Variants in CLXN observed in about 807,000 individuals in gnomAD.
The protein encoded by CLXN is calaxin, also known as EF-hand calcium binding domain 1.
At chr8:48,716,023 G>A in the CLXN span, 2 of 152,494 alleles carry the variant, frequency 1.3e-5, no homozygotes, top group Non-Finnish European at 2.9e-5. Flanking sequence ...GTGGAGCAGG[G>A]GGCAGGCCTG....
the CLXN span, chr8:48,729,180 A>G: frequency 2.6e-6 from 4 of 1,519,436 alleles, no homozygotes; most frequent in South Asian, 1.2e-5. Flanking sequence ...GGCAACACGT[A>G]AAATGATTAC....
chr8:48,721,221 A>G, the CLXN span, among the ~76,000 whole-genome samples: 1 of 152,312 alleles, frequency 6.6e-6, no homozygotes, highest in African/African-American at 2.4e-5. Context: ...AGCAGCAAAA[A>G]AATAAAAAAT....
chr8:48,724,856 C>T, the CLXN span: 2 of 1,449,506 alleles, frequency 1.4e-6, no homozygotes, highest in East Asian at 2.3e-5. Flanking sequence ...TAGAACACCA[C>T]AAAATATTCT....
chr8:48,725,725 A>T, the CLXN span, among the ~76,000 whole-genome samples: 1 of 152,030 alleles, frequency 6.6e-6, no homozygotes, highest in East Asian at 1.9e-4. Context: ...AATCACTTGA[A>T]CCTGGGAGGC....
At chr8:48,714,384 T>C in the CLXN span, among the ~76,000 whole-genome samples, 1 of 152,208 alleles carries the variant, frequency 6.6e-6, no homozygotes, top group Non-Finnish European at 1.5e-5. Context: ...GCAGAGGAGA[T>C]GTGTTCTAGA....
the CLXN span, among the ~76,000 whole-genome samples, chr8:48,726,112 C>T: frequency 9.0e-6 from 1 of 111,600 alleles, no homozygotes; most frequent in African/African-American, 3.2e-5. Flanking sequence ...TACCCACCCA[C>T]TCCATCCATC....
the CLXN span, among the ~76,000 whole-genome samples, chr8:48,721,925 C>T: frequency 6.6e-6 from 1 of 151,862 alleles, no homozygotes; most frequent in African/African-American, 2.4e-5. Context: ...ACACAGGCAG[C>T]AAAAATAAGT....
At chr8:48,731,451 T>A in the CLXN span, 1 of 1,613,410 alleles carries the variant, frequency 6.2e-7, no homozygotes. Context: ...TCTCTACTCC[T>A]CCCACCAAGT....
the CLXN span, chr8:48,730,650 G>A: frequency 6.4e-7 from 1 of 1,573,772 alleles, no homozygotes; most frequent in Non-Finnish European, 8.7e-7. Flanking sequence ...GAATACTAAA[G>A]GGAGAGAGGT....
the CLXN span, among the ~76,000 whole-genome samples, chr8:48,720,235 G>A: frequency 6.6e-6 from 1 of 152,166 alleles, no homozygotes; most frequent in African/African-American, 2.4e-5. Flanking sequence ...GCGATTTTTA[G>A]GGAACAAGGG....
the CLXN span, chr8:48,724,593 A>G: frequency 3.2e-5 from 18 of 571,316 alleles, 1 homozygote; most frequent in African/African-American, 2.9e-4. Flanking sequence ...TGCATCTTAC[A>G]CTGATGTTAA....
chr8:48,730,409 A>G, the CLXN span: 1 of 529,320 alleles, frequency 1.9e-6, no homozygotes, highest in Non-Finnish European at 3.3e-6. Context: ...AAAATAGGTT[A>G]GTGGGATTCA....
the CLXN span, among the ~76,000 whole-genome samples, chr8:48,729,452 G>T: frequency 1.3e-5 from 2 of 151,876 alleles, no homozygotes; most frequent in Admixed American, 1.3e-4. Context: ...GAGCCCAAGA[G>T]TTTGATGATG....
chr8:48,720,226 C>T, the CLXN span, among the ~76,000 whole-genome samples: 1 of 152,038 alleles, frequency 6.6e-6, no homozygotes, highest in African/African-American at 2.4e-5. Context: ...AGAATAACAG[C>T]GATTTTTAGG....
At chr8:48,721,704 G>A in the CLXN span, among the ~76,000 whole-genome samples, 6 of 152,206 alleles carry the variant, frequency 3.9e-5, no homozygotes, top group African/African-American at 1.4e-4. Context: ...ACAGGGAAAG[G>A]AGAGTCTCTT....
At chr8:48,723,034 CA>C in the CLXN span, among the ~76,000 whole-genome samples, 1 of 151,924 alleles carries the variant, frequency 6.6e-6, no homozygotes, top group Non-Finnish European at 1.5e-5. Flanking sequence ...TAAAAGGCTA[CA>C]AAATTTCAGT....
the CLXN span, among the ~76,000 whole-genome samples, chr8:48,731,143 A>G: frequency 6.6e-6 from 1 of 152,202 alleles, no homozygotes; most frequent in Admixed American, 6.5e-5. Flanking sequence ...AGATGTCAAC[A>G]TGACTTTGTC....
At chr8:48,734,632 G>A in the CLXN span, 1 of 154,534 alleles carries the variant, frequency 6.5e-6, no homozygotes, top group Non-Finnish European at 1.4e-5. Context: ...ATGTTGAGAA[G>A]TTGAGCACCG....
chr8:48,734,522 A>G, the CLXN span: 1 of 152,078 alleles, frequency 6.6e-6, no homozygotes, highest in Non-Finnish European at 1.5e-5. Context: ...AAAGTTGGGA[A>G]CCCATTCTTT....
Sources: allele counts gnomAD v4.1 joint callset (sites outside exome capture counted in the v4.1 genomes callset), GRCh38; gene constraint gnomAD v4.1.1; transcripts MANE v1.5; gene names NCBI Gene and HGNC (gene_info 2026-07-23, HGNC 2026-07-21).